WWOX: variants seen among roughly 807,000 people sequenced by gnomAD.
The protein encoded by WWOX is WW domain containing oxidoreductase.
In WWOX, 69 loss-of-function variants were observed where a neutral mutation model predicts 46.2. That is an observed-to-expected ratio of 1.49 (90% CI 1.23 to 1.82). The LOEUF (loss-of-function observed/expected upper bound fraction) is 1.82, where lower values mean the gene tolerates loss of function less well. Among genes scored for constraint, WWOX ranks in the 40% most tolerant of loss-of-function variants. The pLI, the probability that WWOX is intolerant of heterozygous loss-of-function variation, is 0.00. For missense variants in WWOX, 919 were observed against 542.6 expected (o/e 1.69, Z -6.89); for synonymous variants, 359 against 202.6 (o/e 1.77, Z -6.56).
At chr16:79,097,713 A>C (rs1469027071) in intron 8 of WWOX, among the ~76,000 whole-genome samples, 1 of 152,146 alleles carries the variant, frequency 6.6e-6, no homozygotes, top group Non-Finnish European at 1.5e-5. Flanking sequence ...TTTGGAGGAT[A>C]AAGGATACTT....
intron 8 of WWOX, among the ~76,000 whole-genome samples, chr16:78,984,374 G>A (rs992230009): frequency 2.0e-4 from 31 of 152,108 alleles, no homozygotes; most frequent in African/African-American, 5.8e-4. Flanking sequence ...ATAGAGGCCC[G>A]TAAAATTAAT....
At chr16:78,408,053 G>A (rs549721955) in intron 6 of WWOX, among the ~76,000 whole-genome samples, 1 of 152,128 alleles carries the variant, frequency 6.6e-6, no homozygotes, top group Non-Finnish European at 1.5e-5. Context: ...GGTGAGAGTG[G>A]CAGGAGGCAG....
intron 8 of WWOX, chr16:78,897,486 G>A (rs1349729616): frequency 6.6e-6 from 1 of 152,060 alleles, no homozygotes; most frequent in African/African-American, 2.4e-5. Flanking sequence ...ATTCATCCAT[G>A]TTGATGGGTG....
At chr16:79,153,589 G>C (rs932316270) in intron 8 of WWOX, among the ~76,000 whole-genome samples, 1 of 152,130 alleles carries the variant, frequency 6.6e-6, no homozygotes, top group Non-Finnish European at 1.5e-5. Context: ...CACACAATCA[G>C]TTGCCTGTCC....
intron 5 of WWOX, among the ~76,000 whole-genome samples, chr16:78,217,095 C>T (rs2036747049): frequency 6.6e-6 from 1 of 152,202 alleles, no homozygotes; most frequent in Non-Finnish European, 1.5e-5. Context: ...CTTTGCCACG[C>T]AGTCTACCAT....
chr16:78,137,312 A>C (rs187585072), intron 4 of WWOX, among the ~76,000 whole-genome samples: 1 of 152,266 alleles, frequency 6.6e-6, no homozygotes, highest in East Asian at 1.9e-4. Context: ...TGCTGTTTTG[A>C]CGTCTATGCT....
At chr16:79,186,175 C>G (rs867232681) in intron 8 of WWOX, among the ~76,000 whole-genome samples, 11 of 152,214 alleles carry the variant, frequency 7.2e-5, no homozygotes, top group African/African-American at 2.6e-4. Flanking sequence ...TTTGGGGTGG[C>G]TGAGAAGAGA....
intron 5 of WWOX, among the ~76,000 whole-genome samples, chr16:78,190,072 G>A (rs1236568659): frequency 2.0e-5 from 3 of 152,180 alleles, no homozygotes; most frequent in African/African-American, 7.2e-5. Flanking sequence ...TCCATCTTAG[G>A]AACTATGAAA....
chr16:78,900,661 C>A (rs1244992149), intron 8 of WWOX, among the ~76,000 whole-genome samples: 2 of 152,118 alleles, frequency 1.3e-5, no homozygotes, highest in Admixed American at 6.5e-5. Flanking sequence ...CTTTGTAAAT[C>A]TATTACTCAT....
intron 8 of WWOX, among the ~76,000 whole-genome samples, chr16:78,707,832 C>G (rs926535486): frequency 1.4e-5 from 2 of 143,892 alleles, no homozygotes; most frequent in Admixed American, 7.3e-5. Context: ...GAGACTCTGT[C>G]TCAAAAATAT....
chr16:78,531,683 A>G (rs1399851746), intron 8 of WWOX, among the ~76,000 whole-genome samples: 1 of 151,982 alleles, frequency 6.6e-6, no homozygotes, highest in African/African-American at 2.4e-5. Flanking sequence ...TCTCTACTAA[A>G]AATACAAAAA....
chr16:78,739,747 G>A (rs1597523951), intron 8 of WWOX, among the ~76,000 whole-genome samples: 1 of 152,140 alleles, frequency 6.6e-6, no homozygotes, highest in Non-Finnish European at 1.5e-5. Context: ...GGAGGCGGAG[G>A]TTGCAGTGAG....
intron 8 of WWOX, among the ~76,000 whole-genome samples, chr16:79,046,700 G>T (rs1206782552): frequency 6.6e-6 from 1 of 152,144 alleles, no homozygotes; most frequent in Non-Finnish European, 1.5e-5. Context: ...AACCGACTCT[G>T]GTAGATTCTT....
chr16:78,134,405 GTC>G (rs2033717442), intron 4 of WWOX, among the ~76,000 whole-genome samples: 1 of 152,022 alleles, frequency 6.6e-6, no homozygotes, highest in Admixed American at 6.6e-5. Flanking sequence ...TATTCTGTAA[GTC>G]TTTTTGGGAA....
chr16:78,762,003 A>T (rs1393716772), intron 8 of WWOX, among the ~76,000 whole-genome samples: 1 of 152,310 alleles, frequency 6.6e-6, no homozygotes, highest in African/African-American at 2.4e-5. Context: ...ATCAACAAGT[A>T]AATATCATGA....
intron 5 of WWOX, among the ~76,000 whole-genome samples, chr16:78,261,887 G>A (rs1597416301): frequency 1.3e-5 from 2 of 149,036 alleles, no homozygotes; most frequent in East Asian, 2.0e-4. Context: ...CTGATAACTT[G>A]CATTAAGAAA....
At chr16:78,798,868 T>A (rs547736405) in intron 8 of WWOX, among the ~76,000 whole-genome samples, 3 of 152,298 alleles carry the variant, frequency 2.0e-5, no homozygotes, top group African/African-American at 7.2e-5. Context: ...GAATACAGAT[T>A]AGGCAGTGTC....
At chr16:78,175,201 G>C (rs780924892) in intron 5 of WWOX, among the ~76,000 whole-genome samples, 13 of 151,944 alleles carry the variant, frequency 8.6e-5, no homozygotes, top group Non-Finnish European at 1.6e-4. Context: ...GAGAAGTAGG[G>C]GTGTCAGAGC....
At chr16:78,936,920 T>A (rs1016238410) in intron 8 of WWOX, among the ~76,000 whole-genome samples, 7 of 151,376 alleles carry the variant, frequency 4.6e-5, no homozygotes, top group Admixed American at 2.0e-4. Flanking sequence ...AAGCAAGGAG[T>A]TTTTCATGGT....
Sources: gnomAD v4.1 joint callset for allele counts (sites outside exome capture counted in the v4.1 genomes callset) on GRCh38, gnomAD v4.1.1 for gene constraint, MANE v1.5 for transcripts, NCBI Gene and HGNC (gene_info 2026-07-23, HGNC 2026-07-21) for gene names.